ATP1B2: variants seen among roughly 807,000 people sequenced by gnomAD.
The protein encoded by ATP1B2 is sodium/potassium-transporting ATPase subunit beta-2.
A neutral mutation model predicts 37.3 loss-of-function variants in ATP1B2; 12 were observed. The observed-to-expected ratio is 0.32, with a 90% CI of 0.21 to 0.52. The LOEUF (loss-of-function observed/expected upper bound fraction) is 0.52. Among genes scored for constraint, ATP1B2 ranks in the 20% least tolerant of loss-of-function variants. ATP1B2 has a pLI of 0.96. For synonymous variants in ATP1B2, 139 were observed against 140.5 expected (o/e 0.99, Z 0.07); for missense variants, 324 against 391.6 (o/e 0.83, Z 1.46).
At chr17:7,648,445 G>A (rs2072588130), upstream of ATP1B2, among the ~76,000 whole-genome samples, 1 of 151,278 alleles carries the variant, frequency 6.6e-6, no homozygotes, top group South Asian at 2.1e-4. Context: ...CGGGCGTGGT[G>A]GTAGTCCCAG....
Position 7,657,424 on chromosome 17 carries a change from CAGAATGTCA to C in ATP1B2, c.*1531_*1539del, listed in dbSNP as rs1567533736. On this transcript the variant is annotated 3_prime_UTR_variant, in exon 7 of 7. Transcript: ENST00000250111. ...AAAACAAAAAAACCCATAATGCCCACAGAATGTCAAATGAGGGGCCTCCTGCCTCCTGCT... is the reference window on the plus strand; with the variant it reads ...AAAACAAAAAAACCCATAATGCCCACAATGAGGGGCCTCCTGCCTCCTGCT... The C allele has an allele frequency of 5.3e-5, 8 of 151,972 alleles. No homozygotes were observed. Among genetic ancestry groups the C allele is most frequent in the Non-Finnish European group, 1.2e-4 (8 of 68,086 alleles). The allele number at this position is 151,972 out of a possible 1,614,324, so 9.4% of individuals were successfully genotyped here.
rs1171783457 is a variant in ATP1B2 at position 7,656,248 on chromosome 17, AC to A, written c.*356del. 1.3e-5 allele frequency: 2 copies of A among 158,090 alleles called. No individual in the cohort carries two copies. Among genetic ancestry groups the A allele is most frequent in the Non-Finnish European group, 2.3e-5 (2 of 86,520 alleles). The allele number at this position is 158,090 out of a possible 1,614,324, so 9.8% of individuals were successfully genotyped here. A position where few individuals can be genotyped will look rare whatever the true frequency, so the allele number is the denominator to read the frequency against. On this transcript the variant is annotated 3_prime_UTR_variant, in exon 7 of 7. Coordinates refer to ENST00000250111, the MANE Select transcript of ATP1B2 (RefSeq NM_001678.5). ...ATAGGAAGTGCCCACTGACCCACCC[AC>A]CCACCTACACCCCCCGCCACACACA... is the stretch of plus-strand genomic sequence containing the variant.
chr17:7,655,209 A>G lies in ATP1B2; in HGVS notation c.610-318A>G, dbSNP rs2072642006. 9.3e-6 allele frequency: 4 copies of G among 429,800 alleles called. No individual in the cohort carries two copies. Among genetic ancestry groups the G allele is most frequent in the African/African-American group, 6.1e-5 (3 of 49,518 alleles). The allele number at this position is 429,800 out of a possible 1,614,324, so 26.6% of individuals were successfully genotyped here. ...CTTCCTATTCAACCCTTAATCATGTATCTCTTCTTTCTTGGCTCTGCTCCA... is the reference window on the plus strand; with the variant it reads ...CTTCCTATTCAACCCTTAATCATGTGTCTCTTCTTTCTTGGCTCTGCTCCA... On this transcript the variant is annotated intron_variant, in intron 5 of 6. Coordinates refer to ENST00000250111, the MANE Select transcript of ATP1B2 (RefSeq NM_001678.5). This position sits in a 1 kb window ranked among gnomAD's most constrained non-coding sequence, Gnocchi z 4.4.
intron 2 of ATP1B2, 32 bp downstream of exon 2, chr17:7,653,534 C>G (rs1300820955): frequency 1.2e-6 from 2 of 1,611,768 alleles, no homozygotes; most frequent in Non-Finnish European, 1.7e-6. Flanking sequence ...GCCAGCTACT[C>G]TAACTGCTCT....
In ATP1B2 at chr17:7,656,476, C is replaced by T. The variant is rs1254830836; in HGVS notation, c.*581C>T. On this transcript the variant is annotated 3_prime_UTR_variant, in exon 7 of 7. Transcript: ENST00000250111. Reference sequence around the variant, plus strand: ...CTCCTCCTCTCCATCCCTATTCCCTCCTCTGAAATGCACCCCTTTGTAATT... The same window carrying T: ...CTCCTCCTCTCCATCCCTATTCCCTTCTCTGAAATGCACCCCTTTGTAATT... The T allele has an allele frequency of 1.3e-5, 2 of 155,886 alleles. No individual in the cohort carries two copies. Among genetic ancestry groups the T allele is most frequent in the Admixed American group, 6.2e-5 (1 of 16,138 alleles). 9.7% of individuals were successfully genotyped at this position (155,886 alleles called of 1,614,324 possible). A position where few individuals can be genotyped will look rare whatever the true frequency, so the allele number is the denominator to read the frequency against.
chr17:7,649,014 C>T (rs1189858960), upstream of ATP1B2, among the ~76,000 whole-genome samples: 2 of 152,124 alleles, frequency 1.3e-5, no homozygotes, highest in Non-Finnish European at 2.9e-5. Flanking sequence ...ACCTACCCTT[C>T]AGAGGCCAGC....
Position 7,656,087 on chromosome 17 carries a change from C to A in ATP1B2, c.*192C>A. The A allele has an allele frequency of 1.4e-6, 1 of 731,106 alleles. No individual in the cohort carries two copies. 45.3% of individuals were successfully genotyped at this position (731,106 alleles called of 1,614,324 possible). The stretch of plus-strand genomic sequence containing the variant: ...TTGCGGTTCCGTCACTCGCCTTTCC[C>A]ACCAACTTCTCCCAACCTCAGATCA... On this transcript the variant is annotated 3_prime_UTR_variant, in exon 7 of 7. Coordinates refer to ENST00000250111, the MANE Select transcript of ATP1B2 (RefSeq NM_001678.5).
rs141966039 is a variant in ATP1B2 at position 7,653,417 on chromosome 17, C to T, written c.156C>T (p.Thr52=). The T allele has an allele frequency of 4.1e-5, 66 of 1,614,080 alleles. No individual in the cohort carries two copies. The South Asian group carries it at 4.7e-4, about 12-fold the overall frequency. The change falls in exon 2 of 7, where the codon ACC becomes ACT. Residue 52 remains threonine (T), a synonymous_variant. Coordinates refer to ENST00000250111, the MANE Select transcript of ATP1B2 (RefSeq NM_001678.5). ...LFYLVFYGFL[T]AMFTLTMWVM... is the part of the protein sequence containing the mutation. ...ACCTCGTTTTTTATGGGTTCCTCAC[C>T]GCCATGTTCACCCTCACCATGTGGG... is the stretch of plus-strand genomic sequence containing the variant.
At position 7,654,280 on chromosome 17, in the gene ATP1B2, G is replaced by T. The variant is rs781759801; in HGVS notation, c.552+23G>T. On this transcript the variant is annotated intron_variant, in intron 4 of 6. Coordinates refer to ENST00000250111, the MANE Select transcript of ATP1B2 (RefSeq NM_001678.5). This position sits in a 1 kb window ranked among gnomAD's most constrained non-coding sequence, Gnocchi z 4.9. ...CGGGTATCTATGACCTTGGTCCCCA[G>T]GGTGAATGGAGGAAGGATCTGGGGA... 2 of 1,612,430 alleles carry T rather than the reference G, an allele frequency of 1.2e-6. No homozygotes were observed. Among genetic ancestry groups the T allele is most frequent in the South Asian group, 2.2e-5 (2 of 91,064 alleles).
rs1458268509 is a variant in ATP1B2, at chr17:7,656,730, C to T, written c.*835C>T. 6.6e-6 allele frequency: 1 copy of T among 152,248 alleles called. No homozygotes were observed. The highest frequency in any genetic ancestry group is 1.5e-5 in the Non-Finnish European group (1 of 68,160). The allele number at this position is 152,248 out of a possible 1,614,324, so 9.4% of individuals were successfully genotyped here. On this transcript the variant is annotated 3_prime_UTR_variant, in exon 7 of 7. Coordinates refer to ENST00000250111, the MANE Select transcript of ATP1B2 (RefSeq NM_001678.5). ...GGAGTGCAATGGTGCAATCTCAGCTCACTGCAACTTCCGCATCCCAGGTTC... is the reference window on the plus strand; with the variant it reads ...GGAGTGCAATGGTGCAATCTCAGCTTACTGCAACTTCCGCATCCCAGGTTC...
chr17:7,652,252 C>T (rs1389476755), intron 1 of ATP1B2, among the ~76,000 whole-genome samples: 1 of 151,754 alleles, frequency 6.6e-6, no homozygotes. Flanking sequence ...GATTTGTGTG[C>T]ATCAGCCAGC....
At chr17:7,648,101 A>T (rs1198864248), upstream of ATP1B2, among the ~76,000 whole-genome samples, 3 of 149,972 alleles carry the variant, frequency 2.0e-5, no homozygotes, top group Admixed American at 6.7e-5. Context: ...TTAGCCGGGC[A>T]TGGTGGCCTG....
Position 7,656,078 on chromosome 17 carries a change from C to A in ATP1B2, c.*183C>A, listed in dbSNP as rs545557757. ...TGAAGTCCATTGCGGTTCCGTCACT[C>A]GCCTTTCCCACCAACTTCTCCCAAC... On this transcript the variant is annotated 3_prime_UTR_variant, in exon 7 of 7. Transcript: ENST00000250111. 4 of 794,314 alleles carry A rather than the reference C, an allele frequency of 5.0e-6. No homozygotes were observed. The highest frequency in any genetic ancestry group is 1.7e-5 in the African/African-American group (1 of 57,506). The allele number at this position is 794,314 out of a possible 1,614,324, so 49.2% of individuals were successfully genotyped here. A position where few individuals can be genotyped will look rare whatever the true frequency, so the allele number is the denominator to read the frequency against.
Position 7,656,816 on chromosome 17 carries a change from C to T in ATP1B2, c.*921C>T, listed in dbSNP as rs1178620937. The T allele has an allele frequency of 7.9e-5, 12 of 151,310 alleles. No individual in the cohort carries two copies. The highest frequency in any genetic ancestry group is 2.9e-4 in the African/African-American group (12 of 41,292). 9.4% of individuals were successfully genotyped at this position (151,310 alleles called of 1,614,324 possible). A position where few individuals can be genotyped will look rare whatever the true frequency, so the allele number is the denominator to read the frequency against. On this transcript the variant is annotated 3_prime_UTR_variant, in exon 7 of 7. Transcript: ENST00000250111. ...GGACTACAGGCATGTGCCACCATGC[C>T]CGGCTAATTTCTTTCTTTCTTTTTT...
upstream of ATP1B2, among the ~76,000 whole-genome samples, chr17:7,649,375 A>C (rs2072594619): frequency 1.3e-5 from 2 of 151,598 alleles, 1 homozygote; most frequent in South Asian, 4.2e-4. Context: ...GGCCTGGCCG[A>C]GATAATGATT....
chr17:7,650,203 A>G (rs1030975381), upstream of ATP1B2, among the ~76,000 whole-genome samples: 4 of 152,092 alleles, frequency 2.6e-5, no homozygotes, highest in African/African-American at 9.7e-5. Context: ...GCCAGGAGGC[A>G]GAGAACCGAA....
At position 7,653,475 on chromosome 17, in the gene ATP1B2, A is replaced by T. The variant is rs754544873; in HGVS notation, c.214A>T (p.Lys72Ter). The change falls in exon 2 of 7, where the codon AAG (lysine) becomes TAG (stop). Residue 72 changes from lysine to a stop codon, truncating the protein, a stop_gained. Transcript: ENST00000250111. LOFTEE classifies it high-confidence loss of function. ...MLQTVSDHTPKYQDRLATPGL... is the reference protein window; with the variant it reads ...MLQTVSDHTP ...GCAGACTGTCTCCGACCATACCCCCAAGTACCAGGACCGACTGGCCACACC... is the reference window on the plus strand; with the variant it reads ...GCAGACTGTCTCCGACCATACCCCCTAGTACCAGGACCGACTGGCCACACC... 1 of 1,613,854 alleles carries T rather than the reference A, an allele frequency of 6.2e-7. No homozygotes were observed. Among genetic ancestry groups the T allele is most frequent in the East Asian group, 2.2e-5 (1 of 44,884 alleles).
Position 7,654,545 on chromosome 17 carries a change from C to T in ATP1B2, c.553-83C>T. On this transcript the variant is annotated intron_variant, in intron 4 of 6. Coordinates refer to ENST00000250111, the MANE Select transcript of ATP1B2 (RefSeq NM_001678.5). This position sits in a 1 kb window ranked among gnomAD's most constrained non-coding sequence, Gnocchi z 4.9. ...TCAACCTCCCTAGTAGTTGGGACTACAGTCCCCGGCTTAGCTTGGTCTGGA... is the reference window on the plus strand; with the variant it reads ...TCAACCTCCCTAGTAGTTGGGACTATAGTCCCCGGCTTAGCTTGGTCTGGA... The T allele has an allele frequency of 7.0e-7, 1 of 1,438,632 alleles. No individual in the cohort carries two copies. Among genetic ancestry groups the T allele is most frequent in the East Asian group, 2.3e-5 (1 of 43,952 alleles). 89.1% of individuals were successfully genotyped at this position (1,438,632 alleles called of 1,614,324 possible).
chr17:7,649,572 A>G (rs976924830), upstream of ATP1B2, among the ~76,000 whole-genome samples: 2 of 87,706 alleles, frequency 2.3e-5, no homozygotes, highest in East Asian at 6.2e-4. Flanking sequence ...TTTTTTTTTT[A>G]TTGAGACGGA....
Sources: allele counts gnomAD v4.1 joint callset (sites outside exome capture counted in the v4.1 genomes callset), GRCh38; gene constraint gnomAD v4.1.1; non-coding constraint Gnocchi (gnomAD v3.1); transcripts MANE v1.5; gene names NCBI Gene and HGNC (gene_info 2026-07-23, HGNC 2026-07-21).